OR2L3: variants seen among roughly 807,000 people sequenced by gnomAD.
OR2L3 encodes olfactory receptor family 2 subfamily L member 3.
For missense variants in OR2L3, 369 were observed against 376.6 expected (o/e 0.98, Z 0.17); for synonymous variants, 131 against 139.1 (o/e 0.94, Z 0.41).
At chr1:248,052,526 A>C (rs909253964) in intron 1 of OR2L3, among the ~76,000 whole-genome samples, 2 of 152,156 alleles carry the variant, frequency 1.3e-5, no homozygotes, top group African/African-American at 4.8e-5. Context: ...AAGGAGGTTG[A>C]GGCCATGCTG....
chr1:248,050,490 A>G (rs1288679184), intron 1 of OR2L3, among the ~76,000 whole-genome samples: 3 of 152,076 alleles, frequency 2.0e-5, no homozygotes, highest in Non-Finnish European at 4.4e-5. Flanking sequence ...AATATTATAT[A>G]ATAGGACATT....
In OR2L3 at chr1:248,061,844, C is replaced by T; in HGVS notation, c.*224C>T. The T allele has an allele frequency of 2.6e-6, 1 of 387,202 alleles. No individual in the cohort carries two copies. Among genetic ancestry groups the T allele is most frequent in the Non-Finnish European group, 4.6e-6 (1 of 219,066 alleles). 24.0% of individuals were successfully genotyped at this position (387,202 alleles called of 1,614,324 possible). ...TTGTTTCCATAAATTTTGAAAGCAC[C>T]TACTTTTACTAATATGTTGTCAATG... On this transcript the variant is annotated 3_prime_UTR_variant, in exon 2 of 2. Transcript: ENST00000359959.
rs1284280500 is a variant in OR2L3 at position 248,063,140 on chromosome 1, A to G, written c.*1520A>G. On this transcript the variant is annotated 3_prime_UTR_variant, in exon 2 of 2. Transcript: ENST00000359959. ...TTTTACTATTTATGTGCAGAATGTC[A>G]TTGGTATTTTGATAGACATTGCATT... The G allele has an allele frequency of 1.3e-5, 2 of 152,224 alleles. No individual in the cohort carries two copies. The highest frequency in any genetic ancestry group is 1.5e-5 in the Non-Finnish European group (1 of 68,036). The allele number at this position is 152,224 out of a possible 1,614,324, so 9.4% of individuals were successfully genotyped here. A position where few individuals can be genotyped will look rare whatever the true frequency, so the allele number is the denominator to read the frequency against.
intron 1 of OR2L3, among the ~76,000 whole-genome samples, chr1:248,048,483 C>T (rs146985047): frequency 1.3e-5 from 2 of 152,220 alleles, no homozygotes; most frequent in African/African-American, 4.8e-5. Flanking sequence ...GGAGAGCTGT[C>T]CTTGTCTATA....
At chr1:248,059,980 A>G (rs1663570326) in intron 1 of OR2L3, among the ~76,000 whole-genome samples, 1 of 152,064 alleles carries the variant, frequency 6.6e-6, no homozygotes, top group African/African-American at 2.4e-5. Context: ...TCAAGGATGC[A>G]GTGAGCTATG....
chr1:248,049,106 G>A (rs956415600), intron 1 of OR2L3, among the ~76,000 whole-genome samples: 3 of 152,120 alleles, frequency 2.0e-5, no homozygotes, highest in African/African-American at 7.2e-5. Context: ...GCAGTATCTG[G>A]ACTCAAGACG....
At chr1:248,060,612 A>G (rs538492988) in intron 1 of OR2L3, 49 bp from the exon 2 acceptor site, 3 of 1,262,486 alleles carry the variant, frequency 2.4e-6, no homozygotes, top group Admixed American at 2.0e-5. Flanking sequence ...CATTCCCTGC[A>G]GATAAAGACG....
In OR2L3 at chr1:248,062,896, C is replaced by T. The variant is rs1663691013; in HGVS notation, c.*1276C>T. 6.6e-6 allele frequency: 1 copy of T among 152,068 alleles called. No homozygotes were observed. Among genetic ancestry groups the T allele is most frequent in the Non-Finnish European group, 1.5e-5 (1 of 67,994 alleles). The allele number at this position is 152,068 out of a possible 1,614,324, so 9.4% of individuals were successfully genotyped here. A position where few individuals can be genotyped will look rare whatever the true frequency, so the allele number is the denominator to read the frequency against. ...ATCCATAGTAATTAAAATAAAAGAA[C>T]CAGTTCACTGTAGATATATGGATTT... On this transcript the variant is annotated 3_prime_UTR_variant, in exon 2 of 2. Coordinates refer to ENST00000359959, the MANE Select transcript of OR2L3 (RefSeq NM_001004687.2).
Position 248,061,444 on chromosome 1 carries a change from G to T in OR2L3, c.763G>T (p.Val255Phe), listed in dbSNP as rs6697812. 0.076 allele frequency: 122,832 copies of T among 1,613,644 alleles called. 5,138 individuals are homozygous for T. The highest frequency in any genetic ancestry group is 0.1 in the Middle Eastern group (624 of 6,054). The change falls in exon 2 of 2, where the codon GTC becomes TTC. Residue 255 changes from valine to phenylalanine, a missense_variant. Coordinates refer to ENST00000359959, the MANE Select transcript of OR2L3 (RefSeq NM_001004687.2). Reference sequence around the variant, plus strand: ...AGTAACTTTCTACTATGCACCTTTTGTCTACACTTATCTACGTCCAAGATC... The same window carrying T: ...AGTAACTTTCTACTATGCACCTTTTTTCTACACTTATCTACGTCCAAGATC... ...TVVTFYYAPF[V>F]YTYLRPRSLR...
chr1:248,061,374 A>T lies in OR2L3; in HGVS notation c.693A>T (p.Glu231Asp), dbSNP rs773158881. ...CTGTCTACCACATGAAATCTGCAGA[A>T]GGGAGGAAGAAAGCCTACCTGACCT... ...LLAVYHMKSA[E>D]GRKKAYLTCS... Residue 231 changes from glutamate to aspartate, a missense_variant, in exon 2 of 2, where the codon GAA (glutamate) becomes GAT (aspartate). Physicochemically the swap from Glu to Asp is conservative, Grantham distance 45. Coordinates refer to ENST00000359959, the MANE Select transcript of OR2L3 (RefSeq NM_001004687.2). 8 of 1,613,974 alleles carry T rather than the reference A, an allele frequency of 5.0e-6. No homozygotes were observed. In the Admixed American group the frequency reaches 1.2e-4, roughly 24 times the overall value.
intron 1 of OR2L3, 135 bp downstream of exon 1, chr1:248,047,015 A>G (rs940823450): frequency 6.6e-6 from 1 of 152,190 alleles, no homozygotes; most frequent in Admixed American, 6.5e-5. Flanking sequence ...TTTCTATAAC[A>G]CCATTCAGCA....
chr1:248,049,361 G>A (rs1039739716), intron 1 of OR2L3, among the ~76,000 whole-genome samples: 2 of 152,208 alleles, frequency 1.3e-5, no homozygotes, highest in African/African-American at 4.8e-5. Flanking sequence ...TCAAAAGTTA[G>A]TAATAGGTTC....
chr1:248,060,930 T>C lies in OR2L3; in HGVS notation c.249T>C (p.Asp83=). The C allele has an allele frequency of 1.2e-6, 2 of 1,613,958 alleles. No homozygotes were observed. The highest frequency in any genetic ancestry group is 8.5e-7 in the Non-Finnish European group (1 of 1,179,882). Residue 83 remains aspartate, a synonymous_variant, in exon 2 of 2, where the codon GAT becomes GAC. Coordinates refer to ENST00000359959, the MANE Select transcript of OR2L3 (RefSeq NM_001004687.2). ...CCATTGTTCCTAAGATGGCATCTGA[T>C]TTTCTGTCTGGTAACAAGTCTATCT... is the stretch of plus-strand genomic sequence containing the variant. ...ISTIVPKMAS[D]FLSGNKSISF...
chr1:248,060,600 T>C, intron 1 of OR2L3, 61 bp from the exon 2 acceptor site: 4 of 1,091,568 alleles, frequency 3.7e-6, no homozygotes, highest in Non-Finnish European at 5.4e-6. Context: ...GGGCTTCAAA[T>C]GCATTCCCTG....
chr1:248,056,057 T>G (rs1663422371), intron 1 of OR2L3: 1 of 152,260 alleles, frequency 6.6e-6, no homozygotes, highest in Non-Finnish European at 1.5e-5. Context: ...TTTATTTGCA[T>G]AGAGGTGCTT....
chr1:248,057,914 A>ATAGAAATAATTT (rs1663491959), intron 1 of OR2L3, among the ~76,000 whole-genome samples: 1 of 152,188 alleles, frequency 6.6e-6, no homozygotes, highest in African/African-American at 2.4e-5. Flanking sequence ...TCATATGCAA[A>ATAGAAATAATTT]CAGAAATAAT....
chr1:248,053,135 G>A (rs762016004), intron 1 of OR2L3, among the ~76,000 whole-genome samples: 1 of 152,070 alleles, frequency 6.6e-6, no homozygotes, highest in South Asian at 2.1e-4. Context: ...GCCCCAGTAA[G>A]TGTTGTTCTC....
chr1:248,052,548 G>A (rs1428782226), intron 1 of OR2L3, among the ~76,000 whole-genome samples: 1 of 152,060 alleles, frequency 6.6e-6, no homozygotes, highest in Non-Finnish European at 1.5e-5. Flanking sequence ...CTAACATGGT[G>A]AAACCCCATC....
At chr1:248,060,555 C>T in intron 1 of OR2L3, 106 bp from the exon 2 acceptor site, 1 of 724,296 alleles carries the variant, frequency 1.4e-6, no homozygotes, top group Non-Finnish European at 2.4e-6. Flanking sequence ...GTATATAGGG[C>T]TCAGTGTCAA....
Sources: gnomAD v4.1 joint callset for allele counts (sites outside exome capture counted in the v4.1 genomes callset) on GRCh38, gnomAD v4.1.1 for gene constraint, MANE v1.5 for transcripts, NCBI Gene and HGNC (gene_info 2026-07-23, HGNC 2026-07-21) for gene names.